KIAA1328: variants seen among roughly 807,000 people sequenced by gnomAD.
The protein encoded by KIAA1328 is KIAA1328.
Under a neutral mutation model 68.1 loss-of-function variants are expected in KIAA1328, and 52 were observed. The observed-to-expected ratio is 0.76, with a 90% CI of 0.61 to 0.96. KIAA1328 has a LOEUF of 0.96. KIAA1328 is among the 40% of genes least tolerant of loss of function. The probability of loss-of-function intolerance (pLI) is 0.00; values close to 1 mark genes in which losing one functional copy is unlikely to be tolerated. For synonymous variants in KIAA1328, 232 were observed against 239.4 expected (o/e 0.97, Z 0.28); for missense variants, 641 against 677.6 (o/e 0.95, Z 0.60).
intron 7 of KIAA1328, among the ~76,000 whole-genome samples, chr18:37,073,830 C>G (rs991854426): frequency 1.3e-5 from 2 of 152,116 alleles, no homozygotes; most frequent in African/African-American, 4.8e-5. Flanking sequence ...CTTTACTATT[C>G]TTATCTGATA....
intron 5 of KIAA1328, among the ~76,000 whole-genome samples, chr18:36,903,062 A>C (rs982273249): frequency 1.6e-4 from 24 of 152,046 alleles, no homozygotes; most frequent in Non-Finnish European, 2.4e-4. Context: ...TCAATTAAAA[A>C]ATTTTAACCT....
chr18:37,022,363 C>T (rs2151534696), intron 6 of KIAA1328, among the ~76,000 whole-genome samples: 1 of 152,250 alleles, frequency 6.6e-6, no homozygotes, highest in African/African-American at 2.4e-5. Flanking sequence ...GGTTTAGACC[C>T]TAATCACCCA....
intron 5 of KIAA1328, among the ~76,000 whole-genome samples, chr18:36,922,664 CAG>C (rs1427944051): frequency 6.6e-6 from 1 of 152,052 alleles, no homozygotes; most frequent in African/African-American, 2.4e-5. Flanking sequence ...TAGACCTGGA[CAG>C]ATAATTTTTT....
intron 7 of KIAA1328, among the ~76,000 whole-genome samples, chr18:37,115,095 G>A (rs1473846321): frequency 1.3e-5 from 2 of 152,244 alleles, no homozygotes; most frequent in East Asian, 3.9e-4. Context: ...ACAAAGTGGA[G>A]CTGGTACCAT....
intron 9 of KIAA1328, among the ~76,000 whole-genome samples, chr18:37,208,091 G>T (rs1254607376): frequency 4.6e-5 from 7 of 152,124 alleles, no homozygotes; most frequent in Non-Finnish European, 7.4e-5. Context: ...TTACAGATGT[G>T]AGCCACTGCA....
intron 4 of KIAA1328, among the ~76,000 whole-genome samples, chr18:36,869,516 A>T (rs1035970051): frequency 2.0e-5 from 3 of 152,170 alleles, no homozygotes; most frequent in Non-Finnish European, 2.9e-5. Flanking sequence ...ACTCAGAATT[A>T]TGCTTGAGTC....
chr18:37,148,582 A>G (rs1323665808), intron 7 of KIAA1328, among the ~76,000 whole-genome samples: 2 of 152,172 alleles, frequency 1.3e-5, no homozygotes, highest in Non-Finnish European at 2.9e-5. Flanking sequence ...TTACATTCTC[A>G]CCAATAATGT....
At chr18:37,225,348 T>C (rs1270520702), downstream of KIAA1328, 4 of 980,076 alleles carry the variant, frequency 4.1e-6, no homozygotes, top group Admixed American at 6.1e-5. Context: ...GGGTTTGATA[T>C]TGAATTGTCC....
chr18:37,106,837 A>G (rs1304521340), intron 7 of KIAA1328, among the ~76,000 whole-genome samples: 2 of 152,248 alleles, frequency 1.3e-5, no homozygotes, highest in African/African-American at 2.4e-5. Context: ...CACTAAGAAC[A>G]AAATAATGTT....
At chr18:37,216,842 G>GTTAGCTCTTCCTGTTGAATTGATCCCT (rs2060445263) in intron 9 of KIAA1328, among the ~76,000 whole-genome samples, 1 of 148,460 alleles carries the variant, frequency 6.7e-6, no homozygotes, top group African/African-American at 2.5e-5. Flanking sequence ...ATTTAGGATA[G>GTTAGCTCTTCCTGTTGAATTGATCCCT]TTAGCTCTTC....
chr18:36,914,577 A>G (rs1317212626), intron 5 of KIAA1328, among the ~76,000 whole-genome samples: 1 of 151,994 alleles, frequency 6.6e-6, no homozygotes, highest in African/African-American at 2.4e-5. Flanking sequence ...AACATTAGCC[A>G]GGCGCAGTGG....
intron 5 of KIAA1328, among the ~76,000 whole-genome samples, chr18:36,953,991 G>GTTT (rs2051285364): frequency 5.4e-5 from 4 of 73,838 alleles, no homozygotes; most frequent in Non-Finnish European, 6.9e-5. Context: ...TTGTCTGATT[G>GTTT]TTTCTTTTTT....
At chr18:37,082,166 ATTTTTTTT>A (rs34106395) in intron 7 of KIAA1328, among the ~76,000 whole-genome samples, 1 of 100,424 alleles carries the variant, frequency 1.0e-5, no homozygotes, top group Non-Finnish European at 1.9e-5. Flanking sequence ...TGCCCCAAGG[ATTTTTTTT>A]TTTTTTTTTT....
At chr18:36,841,812 AT>A (rs1349619762) in intron 3 of KIAA1328, among the ~76,000 whole-genome samples, 13 of 151,982 alleles carry the variant, frequency 8.6e-5, no homozygotes, top group Non-Finnish European at 1.9e-4. Flanking sequence ...GTGTAAATAC[AT>A]TTTTTTTGAA....
chr18:37,188,210 G>A (rs2059840176), intron 9 of KIAA1328, among the ~76,000 whole-genome samples: 1 of 152,206 alleles, frequency 6.6e-6, no homozygotes, highest in Non-Finnish European at 1.5e-5. Context: ...TCCTTAGTCA[G>A]CATCCCTTCA....
At chr18:37,214,124 C>G (rs1381140688) in intron 9 of KIAA1328, among the ~76,000 whole-genome samples, 1 of 152,164 alleles carries the variant, frequency 6.6e-6, no homozygotes, top group African/African-American at 2.4e-5. Flanking sequence ...ATGGTAGTTT[C>G]TTTTGCTGTG....
intron 5 of KIAA1328, among the ~76,000 whole-genome samples, chr18:36,933,290 G>A (rs757936138): frequency 6.6e-5 from 10 of 151,876 alleles, no homozygotes; most frequent in Non-Finnish European, 1.3e-4. Context: ...GCCCTGCTCT[G>A]TGGTGGTGGT....
chr18:37,216,633 A>G (rs892307635), intron 9 of KIAA1328, among the ~76,000 whole-genome samples: 1 of 152,184 alleles, frequency 6.6e-6, no homozygotes, highest in Non-Finnish European at 1.5e-5. Flanking sequence ...AGTTATGTAG[A>G]CATCTGTTAG....
chr18:37,104,573 C>G (rs899427343), intron 7 of KIAA1328, among the ~76,000 whole-genome samples: 2 of 152,096 alleles, frequency 1.3e-5, no homozygotes, highest in African/African-American at 4.8e-5. Context: ...GGAATAAGTT[C>G]TAGCATTCGA....
Sources: allele counts gnomAD v4.1 joint callset (sites outside exome capture counted in the v4.1 genomes callset), GRCh38; gene constraint gnomAD v4.1.1; transcripts MANE v1.5; gene names NCBI Gene and HGNC (gene_info 2026-07-23, HGNC 2026-07-21).